APPL2: variants seen among roughly 807,000 people sequenced by gnomAD.
APPL2 encodes the protein adaptor protein, phosphotyrosine interacting with PH domain and leucine zipper 2.
In APPL2, 84 loss-of-function variants were observed where a neutral mutation model predicts 92.7. That is an observed-to-expected ratio of 0.91 (90% CI 0.76 to 1.09). APPL2 has a LOEUF of 1.09. Ranked by LOEUF, APPL2 falls within the 50% of genes least tolerant of loss-of-function variation. The pLI, the probability that APPL2 is intolerant of heterozygous loss-of-function variation, is 0.00. For synonymous variants in APPL2, 291 were observed against 291.0 expected (o/e 1.00, Z 0.00); for missense variants, 736 against 824.5 (o/e 0.89, Z 1.31).
intron 17 of APPL2, among the ~76,000 whole-genome samples, chr12:105,186,622 T>TATGATATCG (rs375988140): frequency 0.078 from 9,660 of 123,374 alleles, 1,227 homozygotes; most frequent in African/African-American, 0.28. Flanking sequence ...ATATCATATA[T>TATGATATCG]ATATCATATA....
chr12:105,217,180 A>AC, intron 3 of APPL2, 40 bp from the exon 4 acceptor site: 1 of 1,398,612 alleles, frequency 7.1e-7, no homozygotes, highest in Non-Finnish European at 1.0e-6. Context: ...TTAAGTGAAT[A>AC]CTGGGGAATT....
At chr12:105,204,932 C>T (rs942490947) in intron 8 of APPL2, among the ~76,000 whole-genome samples, 2 of 152,196 alleles carry the variant, frequency 1.3e-5, no homozygotes, top group South Asian at 4.1e-4. Context: ...CAAAAACCTG[C>T]GCACTGATTA....
chr12:105,228,461 A>G (rs1890686074), intron 2 of APPL2, among the ~76,000 whole-genome samples: 1 of 152,262 alleles, frequency 6.6e-6, no homozygotes, highest in South Asian at 2.1e-4. Flanking sequence ...TTAAGTCAGC[A>G]AGGAATCAAC....
Position 105,176,688 on chromosome 12 carries a change from A to G in APPL2, c.1812+188T>C, listed in dbSNP as rs1240687528. ...ATTCACCCTATTCTGGTTGATAGGT[A>G]TTTTCCACAGAGAAATTTAAATCGA... On this transcript the variant is annotated intron_variant, in intron 19 of 20. Coordinates refer to ENST00000258530, the MANE Select transcript of APPL2 (RefSeq NM_018171.5). 3.4e-5 allele frequency: 23 copies of G among 685,850 alleles called. No individual in the cohort carries two copies. In the East Asian group the frequency reaches 6.4e-4, roughly 19 times the overall value. 42.5% of individuals were successfully genotyped at this position (685,850 alleles called of 1,614,324 possible).
chr12:105,233,882 A>G (rs1891082058), intron 1 of APPL2, among the ~76,000 whole-genome samples: 1 of 152,244 alleles, frequency 6.6e-6, no homozygotes, highest in Non-Finnish European at 1.5e-5. Context: ...TGGCACATAA[A>G]ATCCATGAAA....
intron 2 of APPL2, among the ~76,000 whole-genome samples, chr12:105,223,412 C>T (rs1174683105): frequency 3.3e-5 from 5 of 152,124 alleles, no homozygotes. Context: ...CAAAGGAATT[C>T]TGCAGGACCC....
chr12:105,235,751 C>G (rs571221723), intron 1 of APPL2, among the ~76,000 whole-genome samples: 1 of 152,190 alleles, frequency 6.6e-6, no homozygotes, highest in South Asian at 2.1e-4. Context: ...GGGGCTCTCT[C>G]CCCTGTTCCA....
At chr12:105,185,034 C>T (rs1443110356) in intron 17 of APPL2, among the ~76,000 whole-genome samples, 1 of 152,162 alleles carries the variant, frequency 6.6e-6, no homozygotes, top group Non-Finnish European at 1.5e-5. Flanking sequence ...GTATGATCTT[C>T]CTGATGGCTT....
intron 5 of APPL2, among the ~76,000 whole-genome samples, chr12:105,210,053 C>T (rs898783567): frequency 4.6e-5 from 7 of 152,130 alleles, no homozygotes; most frequent in Non-Finnish European, 1.0e-4. Flanking sequence ...CTCCACCTCC[C>T]GGGTTCAAGC....
Position 105,198,209 on chromosome 12 carries a change from T to G in APPL2, c.864-256A>C, listed in dbSNP as rs562963660. ...GCCGACTCCCCGCACCACAGCCACATGCTGACTACTAAACCAGGAGATGCA... is the reference window on the plus strand; with the variant it reads ...GCCGACTCCCCGCACCACAGCCACAGGCTGACTACTAAACCAGGAGATGCA... On this transcript the variant is annotated intron_variant, in intron 10 of 20. Coordinates refer to ENST00000258530, the MANE Select transcript of APPL2 (RefSeq NM_018171.5). 7.9e-5 allele frequency among the ~76,000 whole-genome samples: 12 copies of G among 152,260 alleles called. No homozygotes were observed. The South Asian group carries it at 2.5e-3, about 32-fold the overall frequency.
chr12:105,178,293 A>G (rs1442493127), intron 17 of APPL2, among the ~76,000 whole-genome samples: 1 of 152,216 alleles, frequency 6.6e-6, no homozygotes, highest in Non-Finnish European at 1.5e-5. Context: ...AAGCAAAAAT[A>G]TAGTTTGTGG....
At chr12:105,201,427 C>G (rs1488207199) in intron 9 of APPL2, among the ~76,000 whole-genome samples, 1 of 152,148 alleles carries the variant, frequency 6.6e-6, no homozygotes, top group African/African-American at 2.4e-5. Flanking sequence ...GGACCAAGAG[C>G]CTGTCAAGAG....
At chr12:105,234,620 CA>C (rs759086065) in intron 1 of APPL2, among the ~76,000 whole-genome samples, 3 of 152,332 alleles carry the variant, frequency 2.0e-5, no homozygotes, top group Middle Eastern at 3.4e-3. Flanking sequence ...TATTTCTGTG[CA>C]CCTCAGTTTC....
rs757745361 is a variant in APPL2 at position 105,177,296 on chromosome 12, G to A, written c.1635-34C>T. 4 of 1,595,820 alleles carry A rather than the reference G, an allele frequency of 2.5e-6. No homozygotes were observed. The East Asian group carries it at 8.9e-5, about 36-fold the overall frequency. On this transcript the variant is annotated intron_variant, in intron 17 of 20. Coordinates refer to ENST00000258530, the MANE Select transcript of APPL2 (RefSeq NM_018171.5). ...TTAAAAGATACATTATGTCACAAAT[G>A]TTGGATAAATTTAATATTCCTAGAA...
At position 105,211,220 on chromosome 12, in the gene APPL2, G is replaced by A; in HGVS notation, c.373+10C>T. 1 of 1,596,930 alleles carries A rather than the reference G, an allele frequency of 6.3e-7. No individual in the cohort carries two copies. The highest frequency in any genetic ancestry group is 8.6e-7 in the Non-Finnish European group (1 of 1,164,774). On this transcript the variant is annotated intron_variant, in intron 5 of 20. Transcript: ENST00000258530. ...TTGAAGGTAACTGGCATTGAACTCA[G>A]TTACTTTACCTGTGAGATCCTTTTC...
chr12:105,176,158 TAC>T, intron 19 of APPL2, 76 bp from the exon 20 acceptor site: 1 of 1,313,584 alleles, frequency 7.6e-7, no homozygotes, highest in Non-Finnish European at 1.1e-6. Flanking sequence ...GATTTGGGAG[TAC>T]AGTGAGGTCA....
rs551280141 is a variant in APPL2 at position 105,174,660 on chromosome 12, C to T, written c.1861-212G>A. ...TTCCTCTGAGCCAAAATATTGTTTA[C>T]GTAGTCAATTCGTATCATCTTCCCA... is the stretch of plus-strand genomic sequence containing the variant. On this transcript the variant is annotated intron_variant, in intron 20 of 20. Coordinates refer to ENST00000258530, the MANE Select transcript of APPL2 (RefSeq NM_018171.5). Among the ~76,000 whole-genome samples, 8 of 152,272 alleles carry T rather than the reference C, an allele frequency of 5.3e-5. 1 individual carries two copies. In the South Asian group the frequency reaches 1.5e-3, roughly 28 times the overall value.
chr12:105,224,615 T>C (rs2136074654), intron 2 of APPL2, among the ~76,000 whole-genome samples: 1 of 152,358 alleles, frequency 6.6e-6, no homozygotes, highest in South Asian at 2.1e-4. Context: ...TCCTCATCTG[T>C]AAGCACATAC....
intron 17 of APPL2, among the ~76,000 whole-genome samples, chr12:105,187,024 T>C (rs1886793664): frequency 1.3e-5 from 2 of 152,198 alleles, no homozygotes; most frequent in Non-Finnish European, 2.9e-5. Context: ...TTTCCCATTC[T>C]GTAGTTTTTC....
Sources: allele counts gnomAD v4.1 joint callset (sites outside exome capture counted in the v4.1 genomes callset), GRCh38; gene constraint gnomAD v4.1.1; transcripts MANE v1.5; gene names NCBI Gene and HGNC (gene_info 2026-07-23, HGNC 2026-07-21).